Variants in STK33 observed in about 807,000 individuals in gnomAD.
The protein encoded by STK33 is serine/threonine kinase 33, also known as serine/threonine-protein kinase 33.
Under a neutral mutation model 58.0 loss-of-function variants are expected in STK33, and 52 were observed. The ratio of observed to expected loss-of-function variants is 0.90; its 90% CI spans 0.72 to 1.13. STK33 has a LOEUF of 1.13. Ranked by LOEUF, STK33 falls within the 50% of genes most tolerant of loss-of-function variation. The pLI is 0.00. For missense variants in STK33, 630 were observed against 604.2 expected, an observed-to-expected ratio of 1.04 and a Z score of -0.45; for synonymous variants, 215 against 200.1, an observed-to-expected ratio of 1.07 and a Z score of -0.63.
At chr11:8,508,856 C>A (rs1369389887) in intron 1 of STK33, among the ~76,000 whole-genome samples, 1 of 152,140 alleles carries the variant, frequency 6.6e-6, no homozygotes, top group East Asian at 1.9e-4. Flanking sequence ...GTGGCTCAAG[C>A]CTATAATCCC....
At chr11:8,410,337 T>C (rs1007547997) in intron 15 of STK33, among the ~76,000 whole-genome samples, 2 of 152,178 alleles carry the variant, frequency 1.3e-5, no homozygotes, top group African/African-American at 2.4e-5. Flanking sequence ...CCACCATGCC[T>C]TTCTACTTTC....
chr11:8,446,725 C>T (rs567702671), intron 11 of STK33, among the ~76,000 whole-genome samples: 18 of 152,230 alleles, frequency 1.2e-4, no homozygotes, highest in East Asian at 3.9e-4. Flanking sequence ...GGAAAGGATT[C>T]CCTATTTAAT....
intron 11 of STK33, among the ~76,000 whole-genome samples, chr11:8,444,716 T>C (rs925339546): frequency 1.3e-5 from 2 of 152,058 alleles, no homozygotes; most frequent in African/African-American, 4.8e-5. Context: ...TAGAAAAACA[T>C]AAATTATCAA....
At chr11:8,460,014 A>G (rs1018970024) in intron 8 of STK33, among the ~76,000 whole-genome samples, 1 of 152,210 alleles carries the variant, frequency 6.6e-6, no homozygotes, top group Non-Finnish European at 1.5e-5. Flanking sequence ...AGTAACAGGA[A>G]AAAATTAGTC....
intron 1 of STK33, among the ~76,000 whole-genome samples, chr11:8,557,428 T>G (rs1471801897): frequency 2.0e-5 from 3 of 151,672 alleles, no homozygotes; most frequent in African/African-American, 7.3e-5. Flanking sequence ...AATTTCAACT[T>G]AAAGCTGAAT....
At chr11:8,380,420 C>T in the STK33 span, among the ~76,000 whole-genome samples, 1,910 of 152,118 alleles carry the variant, frequency 0.013, 47 homozygotes, top group African/African-American at 0.043. Context: ...AATAGCTTGG[C>T]ATGGTCATGG....
chr11:8,508,263 ATTC>A (rs1182165164), intron 1 of STK33, among the ~76,000 whole-genome samples: 2 of 98,320 alleles, frequency 2.0e-5, no homozygotes, highest in Non-Finnish European at 3.9e-5. Flanking sequence ...TCTACCTTCT[ATTC>A]TTTTTTTTTT....
At chr11:8,591,018 T>C (rs1402553182) in intron 1 of STK33, among the ~76,000 whole-genome samples, 1 of 152,230 alleles carries the variant, frequency 6.6e-6, no homozygotes, top group Non-Finnish European at 1.5e-5. Context: ...TGAATAAAAG[T>C]AGAAAATAGC....
At chr11:8,491,281 G>A (rs1238895558) in intron 1 of STK33, among the ~76,000 whole-genome samples, 1 of 152,166 alleles carries the variant, frequency 6.6e-6, no homozygotes, top group Non-Finnish European at 1.5e-5. Flanking sequence ...CATGGCGCAA[G>A]AACTACATGA....
Position 8,478,095 on chromosome 11 carries a change from C to T in STK33, c.-260-812G>A, listed in dbSNP as rs542934059. On this transcript the variant is annotated intron_variant, in intron 2 of 15. Transcript: ENST00000687296. ...AAAACCAAGATAGAACAAATGTTTA[C>T]TCACATTTATTTCTTTCTCATTTAC... Among the ~76,000 whole-genome samples the T allele has an allele frequency of 5.3e-4, 81 of 152,164 alleles. 1 individual carries two copies. The highest frequency in any genetic ancestry group is 1.1e-3 in the Non-Finnish European group (74 of 67,998).
intron 11 of STK33, among the ~76,000 whole-genome samples, chr11:8,449,669 A>G (rs1591162102): frequency 6.7e-6 from 1 of 148,506 alleles, no homozygotes; most frequent in East Asian, 1.9e-4. Context: ...TAGGAGATAT[A>G]CCTAATGTTA....
chr11:8,468,163 TACGTGG>T (rs1948406841), intron 6 of STK33, among the ~76,000 whole-genome samples: 1 of 152,128 alleles, frequency 6.6e-6, no homozygotes, highest in Non-Finnish European at 1.5e-5. Context: ...AGTCACATCT[TACGTGG>T]ATGGAAGCAG....
chr11:8,342,455 T>C, the STK33 span, among the ~76,000 whole-genome samples: 1 of 152,276 alleles, frequency 6.6e-6, no homozygotes, highest in Non-Finnish European at 1.5e-5. Context: ...TTTGTGACTC[T>C]GTCTTCCTTG....
At chr11:8,397,674 G>A (rs1357283703) in intron 15 of STK33, among the ~76,000 whole-genome samples, 2 of 152,032 alleles carry the variant, frequency 1.3e-5, no homozygotes, top group Non-Finnish European at 2.9e-5. Flanking sequence ...AGCTAAAGGA[G>A]GAAGTCTGAA....
intron 6 of STK33, chr11:8,466,328 T>C (rs1340620253): frequency 6.6e-6 from 1 of 152,216 alleles, no homozygotes; most frequent in Non-Finnish European, 1.5e-5. Context: ...AGTTAGTTAC[T>C]TCCTAGATAC....
chr11:8,558,317 A>G (rs1956900854), intron 1 of STK33, among the ~76,000 whole-genome samples: 1 of 152,134 alleles, frequency 6.6e-6, no homozygotes. Flanking sequence ...AAAAATCACT[A>G]CACTATGCAA....
intron 1 of STK33, among the ~76,000 whole-genome samples, chr11:8,485,185 T>A (rs1458817032): frequency 6.6e-6 from 1 of 152,184 alleles, no homozygotes; most frequent in Non-Finnish European, 1.5e-5. Context: ...ACCAGAATAA[T>A]TTGGGAAGTA....
intron 15 of STK33, among the ~76,000 whole-genome samples, chr11:8,402,860 T>A (rs1938357502): frequency 6.6e-6 from 1 of 152,242 alleles, no homozygotes; most frequent in Admixed American, 6.5e-5. Context: ...GGTTATAGAT[T>A]ATCTAAGTTT....
At chr11:8,469,873 G>A (rs1362240145) in intron 6 of STK33, among the ~76,000 whole-genome samples, 1 of 152,226 alleles carries the variant, frequency 6.6e-6, no homozygotes, top group African/African-American at 2.4e-5. Flanking sequence ...ATTTTTGTGA[G>A]AAGTAGGTCT....
Sources: gnomAD v4.1 joint callset for allele counts (sites outside exome capture counted in the v4.1 genomes callset) on GRCh38, gnomAD v4.1.1 for gene constraint, MANE v1.5 for transcripts, NCBI Gene and HGNC (gene_info 2026-07-23, HGNC 2026-07-21) for gene names.